Variants in TMTC2 observed in about 807,000 individuals in gnomAD.
The protein encoded by TMTC2 is transmembrane O-mannosyltransferase targeting cadherins 2.
Under a neutral mutation model 82.4 loss-of-function variants are expected in TMTC2, and 43 were observed. The ratio of observed to expected loss-of-function variants is 0.52; its 90% CI spans 0.41 to 0.67. The LOEUF (loss-of-function observed/expected upper bound fraction) is 0.67. Among genes scored for constraint, TMTC2 ranks in the 30% least tolerant of loss-of-function variants. The probability of loss-of-function intolerance (pLI) is 0.00; values close to 1 mark genes in which losing one functional copy is unlikely to be tolerated. For synonymous variants in TMTC2, 408 were observed against 381.9 expected (o/e 1.07, Z -0.80); for missense variants, 919 against 1,012.4 (o/e 0.91, Z 1.25).
Position 83,061,776 on chromosome 12 carries a change from G to T in TMTC2, c.2276G>T (p.Ser759Ile), listed in dbSNP as rs769959053. The change falls in exon 11 of 12, where the codon AGC becomes ATC. Residue 759 changes from serine to isoleucine, a missense_variant. By Grantham distance (142) the Ser-to-Ile change is moderately radical. Coordinates refer to ENST00000321196, the MANE Select transcript of TMTC2 (RefSeq NM_152588.3). The part of the protein sequence containing the change: ...FNAAHMLRQA[S>I]LNEAAEKYYD... Reference sequence around the variant, plus strand: ...TATTTTTTCTTTTACAGACAGGCTAGCCTCAATGAAGCAGCTGAGAAGTAT... The same window carrying T: ...TATTTTTTCTTTTACAGACAGGCTATCCTCAATGAAGCAGCTGAGAAGTAT... 2 of 1,596,296 alleles carry T rather than the reference G, an allele frequency of 1.3e-6. No homozygotes were observed. The highest frequency in any genetic ancestry group is 1.7e-6 in the Non-Finnish European group (2 of 1,172,150).
intron 11 of TMTC2, among the ~76,000 whole-genome samples, chr12:83,108,416 G>A (rs1320435881): frequency 6.6e-6 from 1 of 152,076 alleles, no homozygotes; most frequent in Non-Finnish European, 1.5e-5. Context: ...CGGATCATGA[G>A]GTCAAGAGAT....
At chr12:82,980,555 T>C (rs1398302855) in intron 7 of TMTC2, among the ~76,000 whole-genome samples, 1 of 151,774 alleles carries the variant, frequency 6.6e-6, no homozygotes, top group Admixed American at 6.6e-5. Flanking sequence ...GCTGGAAGCC[T>C]GCAAGAAATC....
At chr12:82,694,071 A>G (rs985664504) in intron 1 of TMTC2, among the ~76,000 whole-genome samples, 1 of 151,834 alleles carries the variant, frequency 6.6e-6, no homozygotes, top group Non-Finnish European at 1.5e-5. Context: ...TTTTTTTAAT[A>G]CAGGTAAATG....
chr12:82,806,670 AAGTT>A (rs1489982702), intron 1 of TMTC2, among the ~76,000 whole-genome samples: 1 of 152,148 alleles, frequency 6.6e-6, no homozygotes, highest in Non-Finnish European at 1.5e-5. Flanking sequence ...ACAGTAAAGT[AAGTT>A]AGAGAAAAAT....
chr12:82,813,070 A>G (rs577824649), intron 1 of TMTC2, among the ~76,000 whole-genome samples: 1 of 152,136 alleles, frequency 6.6e-6, no homozygotes, highest in South Asian at 2.1e-4. Context: ...TTATATAAAT[A>G]TTCCCCAACC....
chr12:83,041,964 C>T (rs939081955), intron 9 of TMTC2, among the ~76,000 whole-genome samples: 1 of 152,142 alleles, frequency 6.6e-6, no homozygotes, highest in African/African-American at 2.4e-5. Context: ...GGGAGAGAAA[C>T]AGTTTCTCCA....
chr12:82,930,038 T>A (rs958235450), intron 3 of TMTC2, among the ~76,000 whole-genome samples: 3 of 152,178 alleles, frequency 2.0e-5, no homozygotes, highest in South Asian at 4.1e-4. Flanking sequence ...TTTTTCATAC[T>A]TGAATGAAAT....
At chr12:83,115,279 A>G (rs1212100854) in intron 11 of TMTC2, among the ~76,000 whole-genome samples, 1 of 152,196 alleles carries the variant, frequency 6.6e-6, no homozygotes. Flanking sequence ...TGCTTAAATC[A>G]TATTTCAAAT....
rs578110339 is a variant in TMTC2, at chr12:82,766,814, C to T, written c.83+79145C>T. ...ATTTATTTATTTATTTATTTTGAGA[C>T]GGAGTCTCGCTCTGTCACCCAGACA... On this transcript the variant is annotated intron_variant, in intron 1 of 11. Coordinates refer to ENST00000321196, the MANE Select transcript of TMTC2 (RefSeq NM_152588.3). Among the ~76,000 whole-genome samples the T allele has an allele frequency of 4.0e-4, 59 of 147,654 alleles. 1 individual carries two copies. Among genetic ancestry groups the T allele is most frequent in the African/African-American group, 1.3e-3 (50 of 39,436 alleles).
rs568119304 is a variant in TMTC2 at position 82,803,300 on chromosome 12, G to T, written c.84-53710G>T. ...TTTGTTACAGTAGGTAGCTAGCCAG[G>T]CAGGAGCTGGGCTAGAGGAGGCTCC... On this transcript the variant is annotated intron_variant, in intron 1 of 11. Transcript: ENST00000321196. 4.0e-4 allele frequency among the ~76,000 whole-genome samples: 61 copies of T among 152,214 alleles called. 1 individual carries two copies. In the South Asian group the frequency reaches 0.011, roughly 26 times the overall value.
intron 1 of TMTC2, among the ~76,000 whole-genome samples, chr12:82,766,278 G>A (rs995670639): frequency 1.3e-5 from 2 of 152,144 alleles, no homozygotes; most frequent in African/African-American, 4.8e-5. Flanking sequence ...ACATAGCAAA[G>A]GCATACTCTT....
chr12:82,846,601 G>T (rs1031541071), intron 1 of TMTC2, among the ~76,000 whole-genome samples: 1 of 151,932 alleles, frequency 6.6e-6, no homozygotes, highest in Non-Finnish European at 1.5e-5. Flanking sequence ...TTCCTTTATT[G>T]CTTATCGGAA....
At chr12:82,947,956 G>T (rs1480576356) in intron 4 of TMTC2, among the ~76,000 whole-genome samples, 1 of 152,048 alleles carries the variant, frequency 6.6e-6, no homozygotes, top group Non-Finnish European at 1.5e-5. Context: ...CATGACTGAA[G>T]CCGCTAAATG....
At chr12:82,849,748 GA>G (rs1241714878) in intron 1 of TMTC2, among the ~76,000 whole-genome samples, 2 of 152,046 alleles carry the variant, frequency 1.3e-5, no homozygotes, top group Admixed American at 1.3e-4. Flanking sequence ...GCTACTTTAT[GA>G]CTAAGAGGCA....
At chr12:83,121,390 C>T (rs1884943060) in intron 11 of TMTC2, among the ~76,000 whole-genome samples, 1 of 152,116 alleles carries the variant, frequency 6.6e-6, no homozygotes, top group Non-Finnish European at 1.5e-5. Flanking sequence ...GATGTGGCTT[C>T]CTGTGAGCCA....
At chr12:82,830,342 C>T (rs1869681518) in intron 1 of TMTC2, among the ~76,000 whole-genome samples, 1 of 151,954 alleles carries the variant, frequency 6.6e-6, no homozygotes, top group Non-Finnish European at 1.5e-5. Flanking sequence ...TTCCTTAGCC[C>T]ACTCTCGGTG....
intron 1 of TMTC2, among the ~76,000 whole-genome samples, chr12:82,702,879 G>A (rs941769364): frequency 6.6e-6 from 1 of 152,138 alleles, no homozygotes; most frequent in Non-Finnish European, 1.5e-5. Context: ...GGGCAGGGTG[G>A]TGCACACCTG....
chr12:82,764,937 C>A, intron 1 of TMTC2, among the ~76,000 whole-genome samples: 1 of 143,340 alleles, frequency 7.0e-6, no homozygotes. Flanking sequence ...CAAAACAGGG[C>A]AGGGGAACAA....
intron 7 of TMTC2, among the ~76,000 whole-genome samples, chr12:82,973,009 T>C (rs1878515238): frequency 6.6e-6 from 1 of 152,210 alleles, no homozygotes; most frequent in African/African-American, 2.4e-5. Flanking sequence ...TGTTTAGTTG[T>C]TCTTAAGTGG....
Sources: gnomAD v4.1 joint callset for allele counts (sites outside exome capture counted in the v4.1 genomes callset) on GRCh38, gnomAD v4.1.1 for gene constraint, MANE v1.5 for transcripts, NCBI Gene and HGNC (gene_info 2026-07-23, HGNC 2026-07-21) for gene names.